ARHGAP42: variants seen among roughly 807,000 people sequenced by gnomAD.
The protein encoded by ARHGAP42 is Rho GTPase activating protein 42.
ARHGAP42 carries 63 observed loss-of-function variants against 125.0 expected under a neutral mutation model. That is an observed-to-expected ratio of 0.50 (90% CI 0.41 to 0.62). ARHGAP42 has a LOEUF of 0.62. ARHGAP42 is among the 20% of genes least tolerant of loss of function. The probability of loss-of-function intolerance (pLI) is 0.00; values close to 1 mark genes in which losing one functional copy is unlikely to be tolerated. For synonymous variants in ARHGAP42, 339 were observed against 351.0 expected, an observed-to-expected ratio of 0.97 and a Z score of 0.38; for missense variants, 766 against 1,024.2, an observed-to-expected ratio of 0.75 and a Z score of 3.44.
At chr11:100,691,329 C>G (rs1861185925) in intron 1 of ARHGAP42, among the ~76,000 whole-genome samples, 1 of 151,900 alleles carries the variant, frequency 6.6e-6, no homozygotes, top group Non-Finnish European at 1.5e-5. Context: ...GAATTATATT[C>G]AAAGAAACAT....
rs577928753 is a variant in ARHGAP42, at chr11:100,774,339, G to A, written c.250+3901G>A. On this transcript the variant is annotated intron_variant, in intron 2 of 23. Coordinates refer to ENST00000298815, the MANE Select transcript of ARHGAP42 (RefSeq NM_152432.4). ...TCAGTTCTACGTGGGACGGTACAGC[G>A]TTTTCACTGTCTTTACCTTGTTGAA... Among the ~76,000 whole-genome samples the A allele has an allele frequency of 6.6e-5, 10 of 152,260 alleles. No homozygotes were observed. In the East Asian group the frequency reaches 1.2e-3, roughly 18 times the overall value.
At chr11:100,758,274 C>T (rs757256147) in intron 1 of ARHGAP42, among the ~76,000 whole-genome samples, 3 of 152,054 alleles carry the variant, frequency 2.0e-5, no homozygotes, top group East Asian at 1.9e-4. Flanking sequence ...TTATTGGATC[C>T]GGGAATGTTT....
chr11:100,915,698 A>T (rs1310967660), intron 5 of ARHGAP42, among the ~76,000 whole-genome samples: 1 of 152,144 alleles, frequency 6.6e-6, no homozygotes, highest in Non-Finnish European at 1.5e-5. Flanking sequence ...TGGAGAAGAT[A>T]ATAGCATAGT....
intron 1 of ARHGAP42, among the ~76,000 whole-genome samples, chr11:100,700,203 G>T (rs191711461): frequency 4.3e-4 from 65 of 152,282 alleles, no homozygotes; most frequent in Non-Finnish European, 7.1e-4. Flanking sequence ...TTTAAAAAAT[G>T]TGCAGACCTT....
chr11:100,944,263 A>C (rs1003435545), intron 10 of ARHGAP42, among the ~76,000 whole-genome samples: 4 of 152,062 alleles, frequency 2.6e-5, no homozygotes, highest in Non-Finnish European at 5.9e-5. Flanking sequence ...TGGGAATACT[A>C]TAAGCTTCTT....
rs773947831 is a variant in ARHGAP42 at position 100,894,239 on chromosome 11, C to G, written c.385-19213C>G. Among the ~76,000 whole-genome samples the G allele has an allele frequency of 1.3e-4, 20 of 152,288 alleles. 1 individual carries two copies. In the South Asian group the frequency reaches 3.5e-3, roughly 27 times the overall value. Reference sequence around the variant, plus strand: ...GTAAGGTATGCCCAGCCCTCACTCACGGACTTGGCATAGTTGTAAACATAG... The same window carrying G: ...GTAAGGTATGCCCAGCCCTCACTCAGGGACTTGGCATAGTTGTAAACATAG... On this transcript the variant is annotated intron_variant, in intron 4 of 23. Coordinates refer to ENST00000298815, the MANE Select transcript of ARHGAP42 (RefSeq NM_152432.4).
At chr11:100,837,666 CTTTTTTT>C (rs373059302) in intron 3 of ARHGAP42, among the ~76,000 whole-genome samples, 2,573 of 60,118 alleles carry the variant, frequency 0.043, 37 homozygotes, top group Middle Eastern at 0.11. Flanking sequence ...AGGTGTCATC[CTTTTTTT>C]TTTTTTTTTT....
intron 3 of ARHGAP42, among the ~76,000 whole-genome samples, chr11:100,837,663 ATCC>A (rs1203058047): frequency 4.2e-4 from 15 of 35,404 alleles, no homozygotes; most frequent in African/African-American, 1.0e-3. Context: ...TCTAGGTGTC[ATCC>A]TTTTTTTTTT....
chr11:100,987,702 T>C, intron 23 of ARHGAP42, 110 bp downstream of exon 23: 1 of 986,612 alleles, frequency 1.0e-6, no homozygotes, highest in Non-Finnish European at 1.5e-6. Context: ...TTTTATCCCA[T>C]GTCCTGCCTC....
chr11:100,939,730 A>T (rs1867825836), intron 8 of ARHGAP42, among the ~76,000 whole-genome samples: 1 of 152,054 alleles, frequency 6.6e-6, no homozygotes, highest in African/African-American at 2.4e-5. Flanking sequence ...CATTTTTGGG[A>T]ACTGTAGAAT....
intron 1 of ARHGAP42, among the ~76,000 whole-genome samples, chr11:100,756,222 CAAAAAAAAAAAA>C (rs56164175): frequency 4.2e-5 from 2 of 47,930 alleles, no homozygotes; most frequent in Admixed American, 3.2e-4. Context: ...CTTGTCTCTA[CAAAAAAAAAAAA>C]AAAAAAAAAA....
chr11:100,819,372 T>C (rs1864352305), intron 3 of ARHGAP42, among the ~76,000 whole-genome samples: 1 of 151,902 alleles, frequency 6.6e-6, no homozygotes, highest in African/African-American at 2.4e-5. Context: ...AAAATAGAAA[T>C]GGCAGGGATA....
intron 2 of ARHGAP42, among the ~76,000 whole-genome samples, chr11:100,781,641 G>GGAGGACACCAACA (rs1863314382): frequency 2.0e-5 from 3 of 152,064 alleles, no homozygotes; most frequent in African/African-American, 4.8e-5. Context: ...TTGTATTCTT[G>GGAGGACACCAACA]TCAGAGGAAT....
intron 4 of ARHGAP42, among the ~76,000 whole-genome samples, chr11:100,875,845 C>T (rs888425332): frequency 4.0e-5 from 6 of 151,698 alleles, no homozygotes; most frequent in Non-Finnish European, 7.4e-5. Flanking sequence ...TTTTGACAAG[C>T]GGAAACTGTA....
intron 5 of ARHGAP42, among the ~76,000 whole-genome samples, chr11:100,919,624 ACTC>A (rs1331690975): frequency 6.6e-6 from 1 of 151,886 alleles, no homozygotes; most frequent in Non-Finnish European, 1.5e-5. Context: ...CTGGTCTTGA[ACTC>A]CTGAGCTCAA....
In ARHGAP42 at chr11:100,992,049, C is replaced by T. The variant is rs1048257243; in HGVS notation, c.*3248C>T. On this transcript the variant is annotated 3_prime_UTR_variant, in exon 24 of 24. Coordinates refer to ENST00000298815, the MANE Select transcript of ARHGAP42 (RefSeq NM_152432.4). ...TCATCCAGTGTACCCTGCTCACCTTCTCACTCCTAGCACCGTTCTTCTGGT... is the reference window on the plus strand; with the variant it reads ...TCATCCAGTGTACCCTGCTCACCTTTTCACTCCTAGCACCGTTCTTCTGGT... The T allele has an allele frequency of 1.2e-5, 5 of 424,302 alleles. No homozygotes were observed. Among genetic ancestry groups the T allele is most frequent in the African/African-American group, 9.9e-5 (5 of 50,264 alleles). 26.3% of individuals were successfully genotyped at this position (424,302 alleles called of 1,614,324 possible).
At chr11:100,717,858 G>A (rs1028678753) in intron 1 of ARHGAP42, among the ~76,000 whole-genome samples, 6 of 150,264 alleles carry the variant, frequency 4.0e-5, no homozygotes, top group South Asian at 2.1e-4. Context: ...CCCAGGAGGC[G>A]GAGGTTGCAG....
chr11:100,740,426 G>A (rs1862159696), intron 1 of ARHGAP42, among the ~76,000 whole-genome samples: 1 of 152,196 alleles, frequency 6.6e-6, no homozygotes, highest in Non-Finnish European at 1.5e-5. Flanking sequence ...AATTGAGAGT[G>A]CAAAACAGGT....
chr11:100,900,559 T>TTTGGTC (rs1439591180), intron 4 of ARHGAP42, among the ~76,000 whole-genome samples: 2 of 152,178 alleles, frequency 1.3e-5, no homozygotes, highest in Non-Finnish European at 2.9e-5. Flanking sequence ...CAAACATAGA[T>TTTGGTC]TTGGTCTTTT....
Sources: allele counts gnomAD v4.1 joint callset (sites outside exome capture counted in the v4.1 genomes callset), GRCh38; gene constraint gnomAD v4.1.1; transcripts MANE v1.5; gene names NCBI Gene and HGNC (gene_info 2026-07-23, HGNC 2026-07-21).